Variants in PCDHGA5 observed in about 807,000 individuals in gnomAD.
PCDHGA5 encodes the protein protocadherin gamma-A5.
PCDHGA5 carries 36 observed loss-of-function variants against 56.7 expected under a neutral mutation model. That is an observed-to-expected ratio of 0.64 (90% CI 0.49 to 0.84). The LOEUF (loss-of-function observed/expected upper bound fraction) is 0.84. Ranked by LOEUF, PCDHGA5 falls within the 40% of genes least tolerant of loss-of-function variation. The pLI, the probability that PCDHGA5 is intolerant of heterozygous loss-of-function variation, is 0.00. For missense variants in PCDHGA5, 1,305 were observed against 1,201.5 expected, an observed-to-expected ratio of 1.09 and a Z score of -1.27; for synonymous variants, 563 against 520.2, an observed-to-expected ratio of 1.08 and a Z score of -1.12.
intron 1 of PCDHGA5, chr5:141,384,066 C>T (rs754340033): frequency 1.6e-5 from 25 of 1,606,462 alleles, no homozygotes; most frequent in Non-Finnish European, 2.0e-5. Context: ...TTCCAGAAAA[C>T]CTACCTTTTA....
chr5:141,387,561 A>G lies in PCDHGA5; in HGVS notation c.2421+20810A>G, dbSNP rs2090990234. 9 of 426,060 alleles carry G rather than the reference A, an allele frequency of 2.1e-5. No homozygotes were observed. The East Asian group carries it at 3.4e-4, about 16-fold the overall frequency. 26.4% of individuals were successfully genotyped at this position (426,060 alleles called of 1,614,324 possible). A position where few individuals can be genotyped will look rare whatever the true frequency, so the allele number is the denominator to read the frequency against. The stretch of plus-strand genomic sequence containing the variant: ...AGTTTTTGTTCTTTCAGTTAGGCAC[A>G]CAATTATAATTATTGCACTGGTTAA... On this transcript the variant is annotated intron_variant, in intron 1 of 3. Transcript: ENST00000518069.
intron 1 of PCDHGA5, chr5:141,375,823 C>A (rs1771937674): frequency 6.2e-7 from 1 of 1,614,098 alleles, no homozygotes; most frequent in African/African-American, 1.3e-5. Context: ...TGGCGCCCCG[C>A]TCCGCAGAGC....
chr5:141,441,018 TG>T (rs1482478700), intron 1 of PCDHGA5: 1 of 152,164 alleles, frequency 6.6e-6, no homozygotes, highest in Non-Finnish European at 1.5e-5. Context: ...GATCAAATAG[TG>T]GAGAAATGAA....
intron 1 of PCDHGA5, chr5:141,400,601 C>T (rs1401354209): frequency 1.3e-6 from 2 of 1,592,588 alleles, no homozygotes; most frequent in East Asian, 4.5e-5. Flanking sequence ...CGTACATTTT[C>T]AAGTCCAATG....
At position 141,373,653 on chromosome 5, in the gene PCDHGA5, A is replaced by T. The variant is rs149501628; in HGVS notation, c.2421+6902A>T. Among the ~76,000 whole-genome samples, 35 of 152,376 alleles carry T rather than the reference A, an allele frequency of 2.3e-4. No individual in the cohort carries two copies. In the East Asian group the frequency reaches 6.4e-3, roughly 28 times the overall value. On this transcript the variant is annotated intron_variant, in intron 1 of 3. Transcript: ENST00000518069. The stretch of plus-strand genomic sequence containing the variant: ...TTTCTGTTCCCCAAGGTCCTAAGAG[A>T]TATTTTCATAAAAATGAATGGTAAA...
Position 141,364,448 on chromosome 5 carries a change from G to A in PCDHGA5, c.118G>A (p.Asp40Asn). ...QIRYSMPEELDKGSFVGNIAK... is the reference protein window; with the variant it reads ...QIRYSMPEELNKGSFVGNIAK... The stretch of plus-strand genomic sequence containing the variant: ...CCGCTACTCGATGCCGGAGGAGCTG[G>A]ACAAAGGCTCCTTCGTCGGCAACAT... The change falls in exon 1 of 4, where the codon GAC becomes AAC. Residue 40 changes from aspartate to asparagine, a missense_variant. Asp to Asn is a conservative substitution (Grantham distance 23). Transcript: ENST00000518069. 6.2e-7 allele frequency: 1 copy of A among 1,613,978 alleles called. No individual in the cohort carries two copies. Among genetic ancestry groups the A allele is most frequent in the Non-Finnish European group, 8.5e-7 (1 of 1,179,874 alleles).
At chr5:141,438,579 CAT>C (rs2097974137) in intron 1 of PCDHGA5, among the ~76,000 whole-genome samples, 1 of 55,780 alleles carries the variant, frequency 1.8e-5, no homozygotes, top group Admixed American at 2.8e-4. Context: ...GATATACATA[CAT>C]ACATACATAC....
At chr5:141,460,425 G>A (rs953425058) in intron 1 of PCDHGA5, among the ~76,000 whole-genome samples, 3 of 152,114 alleles carry the variant, frequency 2.0e-5, no homozygotes. Flanking sequence ...TATGTATGGT[G>A]TATGGTGTGA....
intron 1 of PCDHGA5, among the ~76,000 whole-genome samples, chr5:141,382,372 T>C (rs1402923188): frequency 6.6e-6 from 1 of 152,242 alleles, no homozygotes; most frequent in Non-Finnish European, 1.5e-5. Context: ...TTTACCTTTT[T>C]GCCTTCAATA....
chr5:141,419,259 C>G, intron 1 of PCDHGA5: 4 of 1,614,016 alleles, frequency 2.5e-6, no homozygotes, highest in Non-Finnish European at 2.5e-6. Context: ...AACAACCAGC[C>G]GGGTGCCTCC....
At chr5:141,421,281 C>T in intron 1 of PCDHGA5, 2 of 1,612,970 alleles carry the variant, frequency 1.2e-6, no homozygotes, top group South Asian at 2.2e-5. Flanking sequence ...TGCTGCTGTG[C>T]ATTTTCCTGG....
At chr5:141,434,521 T>G (rs2097700467) in intron 1 of PCDHGA5, among the ~76,000 whole-genome samples, 1 of 152,202 alleles carries the variant, frequency 6.6e-6, no homozygotes, top group Non-Finnish European at 1.5e-5. Flanking sequence ...AAAGGTGTTC[T>G]TAAACCACAA....
intron 1 of PCDHGA5, among the ~76,000 whole-genome samples, chr5:141,459,962 C>T (rs994878993): frequency 5.3e-5 from 8 of 152,290 alleles, no homozygotes; most frequent in South Asian, 2.1e-4. Flanking sequence ...CCTGTAATCC[C>T]AGCTACTCAG....
At position 141,477,748 on chromosome 5, in the gene PCDHGA5, C is replaced by T; in HGVS notation, c.2422-17059C>T. ...CAGCTCATATCAGCGATGGGGGCAC[C>T]CCGGTCCTAGCCACCAACATCAGCG... On this transcript the variant is annotated intron_variant, in intron 1 of 3. Transcript: ENST00000518069. The surrounding 1 kb of genome is among the most constrained non-coding windows in gnomAD (Gnocchi z 4.9). 6.2e-7 allele frequency: 1 copy of T among 1,613,872 alleles called. No homozygotes were observed. The highest frequency in any genetic ancestry group is 1.1e-5 in the South Asian group (1 of 91,080).
chr5:141,490,584 T>G lies in PCDHGA5; in HGVS notation c.2422-4223T>G, dbSNP rs751060540. 1 of 1,614,170 alleles carries G rather than the reference T, an allele frequency of 6.2e-7. No individual in the cohort carries two copies. Among genetic ancestry groups the G allele is most frequent in the South Asian group, 1.1e-5 (1 of 91,080 alleles). ...TCAGGCTCAACATTTCAGATGTCAA[T>G]GACAATGCACCCCGCTTCAACCAGC... On this transcript the variant is annotated intron_variant, in intron 1 of 3. Transcript: ENST00000518069. This position sits in a 1 kb window ranked among gnomAD's most constrained non-coding sequence, Gnocchi z 5.4.
At position 141,369,113 on chromosome 5, in the gene PCDHGA5, T is replaced by G. The variant is rs192436354; in HGVS notation, c.2421+2362T>G. 6.1e-4 allele frequency among the ~76,000 whole-genome samples: 93 copies of G among 152,262 alleles called. 2 individuals are homozygous for G. Among genetic ancestry groups the G allele is most frequent in the African/African-American group, 2.2e-3 (90 of 41,546 alleles). ...TGGTTTGAAAATGGAATTAAAACTG[T>G]AAGACACCTGTCAGAAACATGGAAA... On this transcript the variant is annotated intron_variant, in intron 1 of 3. Coordinates refer to ENST00000518069, the MANE Select transcript of PCDHGA5 (RefSeq NM_018918.3).
At position 141,437,741 on chromosome 5, in the gene PCDHGA5, C is replaced by CTT. The variant is rs35124340; in HGVS notation, c.2422-57052_2422-57051dup. 4.3e-3 allele frequency among the ~76,000 whole-genome samples: 606 copies of CTT among 141,726 alleles called. 5 individuals are homozygous for CTT. The highest frequency in any genetic ancestry group is 0.012 in the Admixed American group (164 of 14,230). 93.0% of individuals were successfully genotyped at this position (141,726 alleles called of 152,430 possible). A position where few individuals can be genotyped will look rare whatever the true frequency, so the allele number is the denominator to read the frequency against. On this transcript the variant is annotated intron_variant, in intron 1 of 3. Transcript: ENST00000518069. ...CTCTAATGTTACACTTTGAGTTCAC[C>CTT]TTTTTTTTTTTTTTTGAGACAGAGT...
At chr5:141,483,487 A>G (rs777951096) in intron 1 of PCDHGA5, among the ~76,000 whole-genome samples, 4 of 152,006 alleles carry the variant, frequency 2.6e-5, no homozygotes, top group Non-Finnish European at 5.9e-5. Context: ...AGTGAGGGAC[A>G]GGGATGAGTC....
At chr5:141,509,015 C>G (rs1370464396) in intron 3 of PCDHGA5, among the ~76,000 whole-genome samples, 2 of 152,098 alleles carry the variant, frequency 1.3e-5, no homozygotes, top group African/African-American at 4.8e-5. Context: ...AAGTGGGCAG[C>G]TGCTCCCTCC....
Sources: gnomAD v4.1 joint callset for allele counts (sites outside exome capture counted in the v4.1 genomes callset) on GRCh38, gnomAD v4.1.1 for gene constraint, Gnocchi (gnomAD v3.1) non-coding constraint, MANE v1.5 for transcripts, NCBI Gene and HGNC (gene_info 2026-07-23, HGNC 2026-07-21) for gene names.